Variants in NID1 observed in about 807,000 individuals in gnomAD.
NID1 encodes nidogen 1.
NID1 carries 76 observed loss-of-function variants against 130.6 expected under a neutral mutation model. The ratio of observed to expected loss-of-function variants is 0.58; its 90% confidence interval spans 0.48 to 0.70. The LOEUF (loss-of-function observed/expected upper bound fraction) is 0.70, where lower values mean the gene tolerates loss of function less well. NID1 is among the 30% of genes least tolerant of loss of function. NID1 has a pLI of 0.00. For missense variants in NID1, 1,517 were observed against 1,664.8 expected (o/e 0.91, Z 1.54); for synonymous variants, 665 against 675.1 (o/e 0.98, Z 0.23).
intron 9 of NID1, among the ~76,000 whole-genome samples, chr1:236,017,837 C>T (rs1017143689): frequency 2.6e-5 from 4 of 152,130 alleles, no homozygotes; most frequent in Non-Finnish European, 4.4e-5. Flanking sequence ...CCCCTGAACA[C>T]GAGTCTTTCC....
chr1:236,022,354 T>TG (rs60446360), intron 9 of NID1, among the ~76,000 whole-genome samples: 1 of 150,634 alleles, frequency 6.6e-6, no homozygotes, highest in East Asian at 2.0e-4. Context: ...TTTTTTTTTT[T>TG]GGGAGACAGA....
Position 235,981,702 on chromosome 1 carries a change from C to T in NID1, c.3136G>A (p.Glu1046Lys). Residue 1046 changes from glutamate (E) to lysine (K), a missense_variant, in exon 16 of 20, where the codon GAA becomes AAA. By Grantham distance (56) the Glu-to-Lys change is moderately conservative. Around this residue, in one of 3 missense-constraint regions of NID1, gnomAD observed 1,329 missense variants for 1,429.2 expected, o/e 0.93. Transcript: ENST00000264187. ...FWTDSNLDRI[E>K]VAKLDGTQRR... ...TGCGTGCCGTCCAGCTTCGCCACTT[C>T]TATTCGATCCAGGTTAGAGTCTGTC... 1 of 1,614,248 alleles carries T rather than the reference C, an allele frequency of 6.2e-7. No homozygotes were observed. Among genetic ancestry groups the T allele is most frequent in the Non-Finnish European group, 8.5e-7 (1 of 1,180,038 alleles).
At chr1:236,017,663 C>T (rs774961136) in intron 9 of NID1, among the ~76,000 whole-genome samples, 6 of 152,208 alleles carry the variant, frequency 3.9e-5, no homozygotes, top group African/African-American at 9.7e-5. Context: ...GGATTACAGG[C>T]GTGAGCCACC....
intron 8 of NID1, among the ~76,000 whole-genome samples, chr1:236,025,114 G>C (rs1018354615): frequency 6.6e-6 from 1 of 151,572 alleles, no homozygotes; most frequent in Non-Finnish European, 1.5e-5. Context: ...ACCACACCCA[G>C]CTAAATTTTG....
Position 236,042,442 on chromosome 1 carries a change from G to A in NID1, c.753-150C>T. On this transcript the variant is annotated intron_variant, in intron 3 of 19. Coordinates refer to ENST00000264187, the MANE Select transcript of NID1 (RefSeq NM_002508.3). Reference sequence around the variant, plus strand: ...AGAGTGGAAGGGCACTGGCCGTCATGTCTGGGCGTCATGTGGCTGAGGCAG... The same window carrying A: ...AGAGTGGAAGGGCACTGGCCGTCATATCTGGGCGTCATGTGGCTGAGGCAG... The A allele has an allele frequency of 3.0e-6, 3 of 1,015,460 alleles. No homozygotes were observed. The South Asian group carries it at 4.7e-5, about 16-fold the overall frequency. The allele number at this position is 1,015,460 out of a possible 1,614,324, so 62.9% of individuals were successfully genotyped here. A position where few individuals can be genotyped will look rare whatever the true frequency, so the allele number is the denominator to read the frequency against.
intron 4 of NID1, among the ~76,000 whole-genome samples, chr1:236,039,055 T>G (rs1659363887): frequency 7.4e-6 from 1 of 135,464 alleles, no homozygotes; most frequent in Non-Finnish European, 1.5e-5. Flanking sequence ...ACATTATATA[T>G]TTATATATAC....
chr1:236,022,081 G>A (rs887829672), intron 9 of NID1, among the ~76,000 whole-genome samples: 1 of 151,844 alleles, frequency 6.6e-6, no homozygotes, highest in Non-Finnish European at 1.5e-5. Context: ...ACCAGCCTGG[G>A]CAACATGGAA....
At chr1:236,046,120 G>A (rs1466868875) in intron 2 of NID1, among the ~76,000 whole-genome samples, 1 of 152,116 alleles carries the variant, frequency 6.6e-6, no homozygotes, top group Non-Finnish European at 1.5e-5. Context: ...CAAAACATGA[G>A]ATTTGGGAGA....
rs558468284 is a variant in NID1, at chr1:236,014,157, G to C, written c.2255-597C>G. Among the ~76,000 whole-genome samples the C allele has an allele frequency of 9.2e-5, 14 of 152,248 alleles. No individual in the cohort carries two copies. In the South Asian group the frequency reaches 1.9e-3, roughly 20 times the overall value. On this transcript the variant is annotated intron_variant, in intron 10 of 19. Transcript: ENST00000264187. Reference sequence around the variant, plus strand: ...AGTAGGCAGCCTTGGTATATACCAGGTACCATGGGTCAACCACATGGCCTT... The same window carrying C: ...AGTAGGCAGCCTTGGTATATACCAGCTACCATGGGTCAACCACATGGCCTT...
chr1:236,059,372 A>C (rs923010903), intron 1 of NID1, among the ~76,000 whole-genome samples: 1 of 152,210 alleles, frequency 6.6e-6, no homozygotes, highest in Non-Finnish European at 1.5e-5. Flanking sequence ...CAAGGTGGAG[A>C]CTGATTAATT....
At chr1:235,980,420 C>A (rs1451511527) in intron 17 of NID1, 76 bp downstream of exon 17, 2 of 1,498,190 alleles carry the variant, frequency 1.3e-6, no homozygotes, top group Non-Finnish European at 1.8e-6. Context: ...TTAGATTTGA[C>A]CCCAGGGCCC....
At position 236,020,036 on chromosome 1, in the gene NID1, T is replaced by TA. The variant is rs57925295; in HGVS notation, c.2129-2764dup. Among the ~76,000 whole-genome samples, 873 of 88,228 alleles carry TA rather than the reference T, an allele frequency of 9.9e-3. 19 individuals carry two copies. The highest frequency in any genetic ancestry group is 0.021 in the South Asian group (51 of 2,484). 57.9% of individuals were successfully genotyped at this position (88,228 alleles called of 152,430 possible). On this transcript the variant is annotated intron_variant, in intron 9 of 19. Transcript: ENST00000264187. ...TGGGCGACAGAGCAAGACTCTGCCT[T>TA]AAAAAAAAAAAAAAAAAAAAAACAA...
intron 14 of NID1, among the ~76,000 whole-genome samples, chr1:235,985,809 G>A (rs1441889299): frequency 6.6e-6 from 1 of 151,948 alleles, no homozygotes; most frequent in Non-Finnish European, 1.5e-5. Flanking sequence ...TGCCCAGGCT[G>A]GAGTGTAGTG....
chr1:235,983,274 C>T (rs575184666), intron 15 of NID1, among the ~76,000 whole-genome samples: 1 of 152,198 alleles, frequency 6.6e-6, no homozygotes, highest in Non-Finnish European at 1.5e-5. Context: ...ACCTTGGATG[C>T]TGGACACATC....
chr1:235,983,630 G>A (rs1026884878), intron 15 of NID1, among the ~76,000 whole-genome samples: 13 of 152,160 alleles, frequency 8.5e-5, no homozygotes, highest in Non-Finnish European at 1.2e-4. Flanking sequence ...CGTGCATATT[G>A]TCTCCTTAGA....
Position 235,977,391 on chromosome 1 carries a change from G to A in NID1, c.*476C>T, listed in dbSNP as rs954934434. 5 of 156,948 alleles carry A rather than the reference G, an allele frequency of 3.2e-5. No individual in the cohort carries two copies. Among genetic ancestry groups the A allele is most frequent in the Admixed American group, 3.0e-4 (5 of 16,528 alleles). The allele number at this position is 156,948 out of a possible 1,614,324, so 9.7% of individuals were successfully genotyped here. On this transcript the variant is annotated 3_prime_UTR_variant, in exon 20 of 20. Transcript: ENST00000264187. ...TCAGAGCACCAAAACAAAACATTAAGGAATGCTAATTTCCTCCTTAACTCC... is the reference window on the plus strand; with the variant it reads ...TCAGAGCACCAAAACAAAACATTAAAGAATGCTAATTTCCTCCTTAACTCC...
intron 10 of NID1, among the ~76,000 whole-genome samples, chr1:236,016,650 G>T (rs932343619): frequency 1.3e-5 from 2 of 152,090 alleles, no homozygotes; most frequent in Non-Finnish European, 2.9e-5. Context: ...CTTCTATAAG[G>T]CTAAGAAATT....
At chr1:236,034,422 C>CAAAAAAAAAAAAAAAAAAAAAAAAAAAAA (rs144657585) in intron 5 of NID1, among the ~76,000 whole-genome samples, 1 of 92,638 alleles carries the variant, frequency 1.1e-5, no homozygotes, top group Non-Finnish European at 2.2e-5. Flanking sequence ...AACTCCATCT[C>CAAAAAAAAAAAAAAAAAAAAAAAAAAAAA]AAAAAAAAAA....
At chr1:236,014,281 T>C (rs1658523343) in intron 10 of NID1, among the ~76,000 whole-genome samples, 1 of 151,008 alleles carries the variant, frequency 6.6e-6, no homozygotes. Context: ...AAATCAATCT[T>C]AAGAAGACTC....
Sources: gnomAD v4.1 joint callset for allele counts (sites outside exome capture counted in the v4.1 genomes callset) on GRCh38, gnomAD v4.1.1 for gene constraint, gnomAD v4.1.1 regional missense constraint, MANE v1.5 for transcripts, NCBI Gene and HGNC (gene_info 2026-07-23, HGNC 2026-07-21) for gene names.